Variants in THSD7B observed in about 807,000 individuals in gnomAD.
THSD7B encodes the protein thrombospondin type 1 domain containing 7B, also known as thrombospondin type-1 domain-containing protein 7B.
Under a neutral mutation model 213.6 loss-of-function variants are expected in THSD7B, and 138 were observed. That is an observed-to-expected ratio of 0.65 (90% CI 0.56 to 0.74). THSD7B has a LOEUF of 0.74. Among genes scored for constraint, THSD7B ranks in the 30% least tolerant of loss-of-function variants. THSD7B has a pLI of 0.00. For synonymous variants in THSD7B, 742 were observed against 687.0 expected, an observed-to-expected ratio of 1.08 and a Z score of -1.25; for missense variants, 1,931 against 1,991.5, an observed-to-expected ratio of 0.97 and a Z score of 0.58.
intron 12 of THSD7B, among the ~76,000 whole-genome samples, chr2:137,339,456 T>C (rs1053649873): frequency 9.9e-5 from 15 of 151,914 alleles, no homozygotes; most frequent in African/African-American, 3.4e-4. Flanking sequence ...AAGCACAGTA[T>C]TGTGAGGGGA....
At chr2:137,416,208 C>G (rs550706543) in intron 14 of THSD7B, among the ~76,000 whole-genome samples, 28 of 152,278 alleles carry the variant, frequency 1.8e-4, no homozygotes, top group African/African-American at 5.5e-4. Flanking sequence ...TGATATCTGT[C>G]ATGCCAGGAG....
chr2:136,895,573 T>C (rs1229239045), intron 2 of THSD7B, among the ~76,000 whole-genome samples: 3 of 143,786 alleles, frequency 2.1e-5, no homozygotes, highest in African/African-American at 7.6e-5. Flanking sequence ...TACTAGTAAT[T>C]GTTAGCCTGA....
intron 12 of THSD7B, among the ~76,000 whole-genome samples, chr2:137,284,520 T>C (rs1683119779): frequency 6.6e-6 from 1 of 152,166 alleles, no homozygotes. Context: ...CTTTCCTGCT[T>C]TCTCTTGTGG....
intron 10 of THSD7B, among the ~76,000 whole-genome samples, chr2:137,262,685 G>A (rs1682480279): frequency 6.6e-6 from 1 of 152,082 alleles, no homozygotes; most frequent in African/African-American, 2.4e-5. Context: ...CTATTGCTTG[G>A]TTAAGCATGC....
intron 2 of THSD7B, among the ~76,000 whole-genome samples, chr2:136,892,850 A>C (rs904323234): frequency 2.6e-5 from 4 of 152,020 alleles, no homozygotes; most frequent in Non-Finnish European, 4.4e-5. Flanking sequence ...TTGTTGGTTC[A>C]TACTCTTCTG....
Position 136,784,290 on chromosome 2 carries a change from G to A in THSD7B, c.-36+18603G>A, listed in dbSNP as rs114011994. 2.7e-3 allele frequency among the ~76,000 whole-genome samples: 409 copies of A among 152,306 alleles called. 2 individuals carry two copies. The highest frequency in any genetic ancestry group is 9.5e-3 in the African/African-American group (395 of 41,578). On this transcript the variant is annotated intron_variant, in intron 1 of 27. Transcript: ENST00000409968. ...GAGCTTTTACAAATAACAATTTTGA[G>A]CACAGACTCTGCAAGATGGAGAACA... is the stretch of plus-strand genomic sequence containing the variant.
At chr2:137,083,267 C>T (rs1687780759) in intron 3 of THSD7B, among the ~76,000 whole-genome samples, 1 of 152,102 alleles carries the variant, frequency 6.6e-6, no homozygotes, top group Non-Finnish European at 1.5e-5. Context: ...TCAGCTTAAT[C>T]TGGCTAAGAA....
At chr2:137,076,290 C>A (rs987987957) in intron 3 of THSD7B, among the ~76,000 whole-genome samples, 1 of 152,232 alleles carries the variant, frequency 6.6e-6, no homozygotes, top group Non-Finnish European at 1.5e-5. Flanking sequence ...TCGACAATGG[C>A]GGGCGCCCCT....
At chr2:137,076,401 A>G (rs1376423247) in intron 3 of THSD7B, among the ~76,000 whole-genome samples, 1 of 152,238 alleles carries the variant, frequency 6.6e-6, no homozygotes, top group Non-Finnish European at 1.5e-5. Flanking sequence ...TGTGAGGGAT[A>G]TAATCTCCTG....
chr2:137,615,136 T>C (rs1158153991), intron 17 of THSD7B, among the ~76,000 whole-genome samples: 1 of 152,032 alleles, frequency 6.6e-6, no homozygotes, highest in African/African-American at 2.4e-5. Context: ...ACATGAGAAG[T>C]AGAAGCCATG....
chr2:137,344,372 T>G (rs2104911449), intron 12 of THSD7B, among the ~76,000 whole-genome samples: 1 of 151,840 alleles, frequency 6.6e-6, no homozygotes, highest in African/African-American at 2.4e-5. Flanking sequence ...TAAGACAAAC[T>G]TACCACCCAA....
chr2:137,328,683 T>C (rs762968202), intron 12 of THSD7B, among the ~76,000 whole-genome samples: 18 of 152,230 alleles, frequency 1.2e-4, no homozygotes, highest in African/African-American at 4.3e-4. Flanking sequence ...TCATCTTGAA[T>C]TGTAGTTCCC....
chr2:137,448,517 T>G (rs529172173), intron 14 of THSD7B, among the ~76,000 whole-genome samples: 1 of 152,284 alleles, frequency 6.6e-6, no homozygotes, highest in East Asian at 1.9e-4. Context: ...GTTTAAAAAC[T>G]ACCCTTTCCT....
chr2:137,482,255 T>C (rs1460257442), intron 15 of THSD7B, among the ~76,000 whole-genome samples: 1 of 152,030 alleles, frequency 6.6e-6, no homozygotes, highest in Non-Finnish European at 1.5e-5. Context: ...GACTAATCAT[T>C]AGTAGAGGCC....
chr2:137,178,508 A>G (rs1232101527), intron 7 of THSD7B, among the ~76,000 whole-genome samples: 1 of 152,220 alleles, frequency 6.6e-6, no homozygotes, highest in Admixed American at 6.5e-5. Context: ...TCAGACTGCA[A>G]GGGAGATTAA....
intron 6 of THSD7B, 46 bp from the exon 7 acceptor site, chr2:137,170,695 G>T: frequency 1.9e-6 from 3 of 1,580,090 alleles, no homozygotes; most frequent in Non-Finnish European, 2.6e-6. Flanking sequence ...TTCCTTTCCT[G>T]GAAAAGAGTG....
At chr2:136,864,576 A>G (rs2710183) in intron 1 of THSD7B, among the ~76,000 whole-genome samples, 119,897 of 150,994 alleles carry the variant, frequency 0.79, 47,856 homozygotes, top group Middle Eastern at 0.94. Context: ...TTTTTGAGAC[A>G]GAGTCTCACT....
chr2:137,482,460 C>T (rs192617128), intron 15 of THSD7B, among the ~76,000 whole-genome samples: 202 of 152,198 alleles, frequency 1.3e-3, no homozygotes, highest in African/African-American at 4.5e-3. Context: ...CAATGGGTGG[C>T]GCAGGATGAA....
At chr2:137,518,472 G>T (rs1217799949) in intron 15 of THSD7B, among the ~76,000 whole-genome samples, 1 of 152,180 alleles carries the variant, frequency 6.6e-6, no homozygotes, top group African/African-American at 2.4e-5. Context: ...GGTTGGTCAG[G>T]GATGTGGAAG....
Sources: gnomAD v4.1 joint callset for allele counts (sites outside exome capture counted in the v4.1 genomes callset) on GRCh38, gnomAD v4.1.1 for gene constraint, MANE v1.5 for transcripts, NCBI Gene and HGNC (gene_info 2026-07-23, HGNC 2026-07-21) for gene names.